The following ZNF69 variants were observed in gnomAD, a reference collection of about 807,000 sequenced individuals.
The protein encoded by ZNF69 is ZNF3.
Under a neutral mutation model 50.9 loss-of-function variants are expected in ZNF69, and 47 were observed. The observed-to-expected ratio is 0.92, with a 90% CI of 0.73 to 1.18. ZNF69 has a LOEUF of 1.18. Ranked by LOEUF, ZNF69 falls within the 50% of genes most tolerant of loss-of-function variation. The pLI is 0.00. For synonymous variants in ZNF69, 216 were observed against 223.1 expected (o/e 0.97, Z 0.29); for missense variants, 717 against 675.1 (o/e 1.06, Z -0.69).
At chr19:11,978,788 A>G in the ZNF69 span, 2 of 1,614,166 alleles carry the variant, frequency 1.2e-6, no homozygotes, top group East Asian at 2.2e-5. Flanking sequence ...AATGTAAACA[A>G]TGTGGCAAAT....
the ZNF69 span, chr19:11,978,492 C>T: frequency 5.1e-4 from 821 of 1,614,204 alleles, no homozygotes; most frequent in East Asian, 2.3e-3. Flanking sequence ...CATTCGAAGA[C>T]GCATGGTAAT....
chr19:11,908,630 A>G (rs902659223), downstream of ZNF69, among the ~76,000 whole-genome samples: 5 of 152,222 alleles, frequency 3.3e-5, no homozygotes, highest in African/African-American at 9.7e-5. Context: ...CAATGAGAAC[A>G]AAGACACAAC....
chr19:11,925,283 C>CG, the ZNF69 span: 2 of 1,611,016 alleles, frequency 1.2e-6, no homozygotes, highest in South Asian at 2.2e-5. Context: ...GGTGCGTGTG[C>CG]GGGACCAGAT....
At chr19:11,901,137 A>G (rs1432289408) in intron 1 of ZNF69, among the ~76,000 whole-genome samples, 1 of 151,940 alleles carries the variant, frequency 6.6e-6, no homozygotes, top group East Asian at 1.9e-4. Context: ...CTGGTCTTGA[A>G]CTGAGGGGCT....
In ZNF69 at chr19:11,906,627, G is replaced by C. The variant is rs1972379926; in HGVS notation, c.*529G>C. Among the ~76,000 whole-genome samples the C allele has an allele frequency of 6.6e-6, 1 of 152,156 alleles. No homozygotes were observed. The highest frequency in any genetic ancestry group is 1.5e-5 in the Non-Finnish European group (1 of 68,034). On this transcript the variant is annotated 3_prime_UTR_variant, in exon 4 of 4. Transcript: ENST00000429654. The stretch of plus-strand genomic sequence containing the variant: ...AGCTGAGGGTCCTGACTGTTAGAAG[G>C]AAAACTAACAAACAGAAAGGACAAC...
At chr19:11,897,973 T>C (rs1157713453) in intron 1 of ZNF69, among the ~76,000 whole-genome samples, 1 of 152,202 alleles carries the variant, frequency 6.6e-6, no homozygotes, top group Non-Finnish European at 1.5e-5. Flanking sequence ...CTGATAATTA[T>C]AATTCACTGA....
At chr19:11,960,200 A>G in the ZNF69 span, among the ~76,000 whole-genome samples, 1 of 152,082 alleles carries the variant, frequency 6.6e-6, no homozygotes, top group Non-Finnish European at 1.5e-5. Flanking sequence ...TTGTATTTTT[A>G]GTAGAGATGG....
At chr19:11,956,762 A>T in the ZNF69 span, 1 of 379,424 alleles carries the variant, frequency 2.6e-6, no homozygotes, top group Non-Finnish European at 4.7e-6. Flanking sequence ...AGGCTGAGGC[A>T]TGAGAACTGC....
chr19:11,974,069 T>TTTTC, the ZNF69 span, among the ~76,000 whole-genome samples: 2,198 of 114,678 alleles, frequency 0.019, 46 homozygotes, highest in East Asian at 0.027. Flanking sequence ...TCCTTCTTTC[T>TTTTC]TTTCTTTCTT....
At chr19:11,926,725 G>C in the ZNF69 span, 1 of 154,190 alleles carries the variant, frequency 6.5e-6, no homozygotes, top group South Asian at 2.0e-4. Flanking sequence ...CCAGTTTAGG[G>C]GTAAGCTTTT....
downstream of ZNF69, among the ~76,000 whole-genome samples, chr19:11,916,071 G>A: frequency 6.6e-6 from 1 of 152,162 alleles, no homozygotes; most frequent in East Asian, 1.9e-4. Context: ...ACTCAGTGAT[G>A]CCCTCTGCAA....
chr19:11,926,107 C>T, the ZNF69 span, among the ~76,000 whole-genome samples: 1 of 152,018 alleles, frequency 6.6e-6, no homozygotes, highest in African/African-American at 2.4e-5. Flanking sequence ...TTATCTGCCA[C>T]TTGATTCCAT....
At chr19:11,968,203 G>A in the ZNF69 span, among the ~76,000 whole-genome samples, 779 of 152,178 alleles carry the variant, frequency 5.1e-3, 3 homozygotes, top group Middle Eastern at 0.02. Flanking sequence ...GCAAATAAAT[G>A]TAACAGGATT....
the ZNF69 span, chr19:11,948,755 A>G: frequency 1.2e-6 from 2 of 1,611,926 alleles, no homozygotes; most frequent in Non-Finnish European, 1.7e-6. Flanking sequence ...GAAAGAACTC[A>G]CACTGGAGAG....
chr19:11,950,110 A>G, the ZNF69 span: 7 of 1,614,210 alleles, frequency 4.3e-6, no homozygotes, highest in South Asian at 7.7e-5. Flanking sequence ...AATACATGCA[A>G]GAACACACAT....
At chr19:11,957,735 G>T in the ZNF69 span, among the ~76,000 whole-genome samples, 1 of 151,104 alleles carries the variant, frequency 6.6e-6, no homozygotes, top group East Asian at 1.9e-4. Flanking sequence ...ACACCAGCTA[G>T]TCTGGTGACT....
intron 1 of ZNF69, among the ~76,000 whole-genome samples, chr19:11,892,041 G>C (rs576077519): frequency 6.6e-6 from 1 of 151,840 alleles, no homozygotes; most frequent in Non-Finnish European, 1.5e-5. Flanking sequence ...GCAGTGGTGC[G>C]ATCATGGCTT....
At chr19:11,978,719 C>T in the ZNF69 span, 1 of 1,613,958 alleles carries the variant, frequency 6.2e-7, no homozygotes, top group Non-Finnish European at 8.5e-7. Flanking sequence ...GGAAAGCATT[C>T]CATAGTTCCA....
chr19:11,979,061 T>A, the ZNF69 span: 5 of 1,614,196 alleles, frequency 3.1e-6, no homozygotes, highest in Non-Finnish European at 4.2e-6. Context: ...CATTATCTTA[T>A]AAGTTTTCAA....
Sources: gnomAD v4.1 joint callset for allele counts (sites outside exome capture counted in the v4.1 genomes callset) on GRCh38, gnomAD v4.1.1 for gene constraint, MANE v1.5 for transcripts, NCBI Gene and HGNC (gene_info 2026-07-23, HGNC 2026-07-21) for gene names.